CNTNAP5: variants seen among roughly 807,000 people sequenced by gnomAD.
The protein encoded by CNTNAP5 is contactin-associated protein-like 5.
Under a neutral mutation model 150.2 loss-of-function variants are expected in CNTNAP5, and 72 were observed. That is an observed-to-expected ratio of 0.48 (90% CI 0.40 to 0.58). CNTNAP5 has a LOEUF of 0.58. CNTNAP5 is among the 20% of genes least tolerant of loss of function. The probability of loss-of-function intolerance (pLI) is 0.00; values close to 1 mark genes in which losing one functional copy is unlikely to be tolerated. For synonymous variants in CNTNAP5, 672 were observed against 619.8 expected (o/e 1.08, Z -1.25); for missense variants, 1,636 against 1,626.2 (o/e 1.01, Z -0.10).
intron 16 of CNTNAP5, among the ~76,000 whole-genome samples, chr2:124,766,685 C>A (rs565590270): frequency 6.6e-6 from 1 of 152,216 alleles, no homozygotes; most frequent in South Asian, 2.1e-4. Context: ...GATATAATAA[C>A]TTCAATGTAA....
chr2:124,539,769 C>A (rs770525379), intron 10 of CNTNAP5, among the ~76,000 whole-genome samples: 1 of 152,204 alleles, frequency 6.6e-6, no homozygotes, highest in Non-Finnish European at 1.5e-5. Flanking sequence ...AAAACCCATA[C>A]ATAGGCAGAA....
intron 13 of CNTNAP5, among the ~76,000 whole-genome samples, chr2:124,659,508 A>G (rs1678538912): frequency 6.6e-6 from 1 of 152,208 alleles, no homozygotes; most frequent in Non-Finnish European, 1.5e-5. Flanking sequence ...AGGAAAGGTA[A>G]TCTGAATCTG....
intron 4 of CNTNAP5, among the ~76,000 whole-genome samples, chr2:124,423,213 C>G (rs4516427): frequency 0.98 from 148,864 of 152,288 alleles, 72,843 homozygotes; most frequent in East Asian, 1. Context: ...GTTGCTTCAA[C>G]CAAGTAATTG....
chr2:124,881,782 C>T lies in CNTNAP5; in HGVS notation c.3436+12020C>T, dbSNP rs117897318. 4.4e-3 allele frequency among the ~76,000 whole-genome samples: 666 copies of T among 152,174 alleles called. 45 individuals carry two copies. In the East Asian group the frequency reaches 0.12, roughly 27 times the overall value. ...CTGCTTCCTTGGGAAAAGTGTGGTC[C>T]TTGAAGGCAGGAACATTTTGTTGTC... On this transcript the variant is annotated intron_variant, in intron 21 of 23. Transcript: ENST00000682447.
At chr2:124,794,711 C>T (rs72847363) in intron 18 of CNTNAP5, among the ~76,000 whole-genome samples, 2,553 of 152,204 alleles carry the variant, frequency 0.017, 80 homozygotes, top group Admixed American at 0.061. Flanking sequence ...AACTCCCATT[C>T]ACCGGTTATC....
At chr2:124,121,950 G>GATTA (rs894523669) in intron 1 of CNTNAP5, among the ~76,000 whole-genome samples, 7 of 152,262 alleles carry the variant, frequency 4.6e-5, no homozygotes, top group Non-Finnish European at 7.4e-5. Context: ...CCATTAATTA[G>GATTA]ATTAATTGGC....
At chr2:124,875,574 CTGTG>C (rs1677841309) in intron 21 of CNTNAP5, among the ~76,000 whole-genome samples, 1 of 151,834 alleles carries the variant, frequency 6.6e-6, no homozygotes, top group South Asian at 2.1e-4. Flanking sequence ...ATTCACAGAG[CTGTG>C]TAAGTATTTC....
chr2:124,252,515 A>G (rs1036277181), intron 3 of CNTNAP5, among the ~76,000 whole-genome samples: 1 of 152,146 alleles, frequency 6.6e-6, no homozygotes, highest in African/African-American at 2.4e-5. Context: ...GTGGCAGCTC[A>G]AAAAGCCCTT....
chr2:124,729,659 A>T (rs145910406), intron 13 of CNTNAP5, among the ~76,000 whole-genome samples: 1 of 152,114 alleles, frequency 6.6e-6, no homozygotes, highest in African/African-American at 2.4e-5. Context: ...CCAATTATCA[A>T]TGATGACCTA....
chr2:124,618,806 G>A (rs559093232), intron 12 of CNTNAP5, among the ~76,000 whole-genome samples: 1 of 152,280 alleles, frequency 6.6e-6, no homozygotes, highest in South Asian at 2.1e-4. Flanking sequence ...ATTAAGGATG[G>A]TGGTGAGGGT....
intron 2 of CNTNAP5, among the ~76,000 whole-genome samples, chr2:124,222,720 G>A (rs895382171): frequency 1.4e-5 from 2 of 143,364 alleles, no homozygotes; most frequent in African/African-American, 5.3e-5. Flanking sequence ...GTTCTAATTG[G>A]TCGTTGTGTT....
intron 7 of CNTNAP5, among the ~76,000 whole-genome samples, chr2:124,494,527 T>G (rs1410373282): frequency 6.6e-6 from 1 of 152,194 alleles, no homozygotes; most frequent in East Asian, 1.9e-4. Flanking sequence ...TGGAAACACC[T>G]TCAGACACAC....
At chr2:124,370,916 T>G (rs972990023) in intron 3 of CNTNAP5, among the ~76,000 whole-genome samples, 2 of 151,896 alleles carry the variant, frequency 1.3e-5, no homozygotes, top group Admixed American at 1.3e-4. Context: ...TAAACCTGAG[T>G]TTTGTTTTGT....
chr2:124,251,942 G>C (rs142977415), intron 3 of CNTNAP5, among the ~76,000 whole-genome samples: 2 of 152,160 alleles, frequency 1.3e-5, no homozygotes, highest in Non-Finnish European at 2.9e-5. Flanking sequence ...AGCCCACTAC[G>C]TGTAAACAGC....
At chr2:124,661,145 T>C (rs1450960142) in intron 13 of CNTNAP5, among the ~76,000 whole-genome samples, 1 of 151,958 alleles carries the variant, frequency 6.6e-6, no homozygotes, top group Non-Finnish European at 1.5e-5. Flanking sequence ...TACACTACAT[T>C]TAAAAAAATA....
intron 3 of CNTNAP5, among the ~76,000 whole-genome samples, chr2:124,321,896 T>A (rs537587517): frequency 1.3e-5 from 2 of 152,280 alleles, no homozygotes; most frequent in African/African-American, 2.4e-5. Context: ...ACGCCTGTAA[T>A]CCCAACACTT....
In CNTNAP5 at chr2:124,645,494, G is replaced by C. The variant is rs2105025213; in HGVS notation, c.1877-2264G>C. ...GAGGCAGGAGGATCGCTTGAGCCCAGGTGGCCAAGGCTGCAGTGAGCCACG... is the reference window on the plus strand; with the variant it reads ...GAGGCAGGAGGATCGCTTGAGCCCACGTGGCCAAGGCTGCAGTGAGCCACG... On this transcript the variant is annotated intron_variant, in intron 12 of 23. Coordinates refer to ENST00000682447, the MANE Select transcript of CNTNAP5 (RefSeq NM_001367498.1). Among the ~76,000 whole-genome samples the C allele has an allele frequency of 2.0e-5, 3 of 152,242 alleles. No homozygotes were observed. The South Asian group carries it at 6.2e-4, about 32-fold the overall frequency.
intron 6 of CNTNAP5, among the ~76,000 whole-genome samples, chr2:124,469,899 A>G (rs945197018): frequency 6.6e-6 from 1 of 152,196 alleles, no homozygotes; most frequent in African/African-American, 2.4e-5. Flanking sequence ...TGCAAAGGAC[A>G]TGATCTCATT....
At chr2:124,706,925 A>AGGAGGAGGAGGAGG (rs1558743318) in intron 13 of CNTNAP5, among the ~76,000 whole-genome samples, 2 of 109,254 alleles carry the variant, frequency 1.8e-5, no homozygotes, top group Non-Finnish European at 4.0e-5. Flanking sequence ...GGAGAAGAAG[A>AGGAGGAGGAGGAGG]AGAAGAAGAA....
Sources: allele counts gnomAD v4.1 joint callset (sites outside exome capture counted in the v4.1 genomes callset), GRCh38; gene constraint gnomAD v4.1.1; transcripts MANE v1.5; gene names NCBI Gene and HGNC (gene_info 2026-07-23, HGNC 2026-07-21).